Variants in NCAPH observed in about 807,000 individuals in gnomAD.
The protein encoded by NCAPH is non-SMC condensin I complex subunit H.
Under a neutral mutation model 85.5 loss-of-function variants are expected in NCAPH, and 38 were observed. That is an observed-to-expected ratio of 0.44 (90% CI 0.34 to 0.58). NCAPH has a LOEUF of 0.58. NCAPH is among the 20% of genes least tolerant of loss of function. The probability of loss-of-function intolerance (pLI) is 0.01; values close to 1 mark genes in which losing one functional copy is unlikely to be tolerated. For synonymous variants in NCAPH, 301 were observed against 335.1 expected, an observed-to-expected ratio of 0.90 and a Z score of 1.11; for missense variants, 789 against 916.6, an observed-to-expected ratio of 0.86 and a Z score of 1.80.
At position 96,376,368 on chromosome 2, in the gene NCAPH, A is replaced by C. The variant is rs534827270; in HGVS notation, c.*3017A>C. On this transcript the variant is annotated 3_prime_UTR_variant, in exon 18 of 18. Transcript: ENST00000240423. Reference sequence around the variant, plus strand: ...GAATTGTGGGGCCCTGAGAGAGAATACATCCAAAGGAAGAGGGAACCAGGC... The same window carrying C: ...GAATTGTGGGGCCCTGAGAGAGAATCCATCCAAAGGAAGAGGGAACCAGGC... Among the ~76,000 whole-genome samples, 2 of 152,344 alleles carry C rather than the reference A, an allele frequency of 1.3e-5. No individual in the cohort carries two copies. The highest frequency in any genetic ancestry group is 4.8e-5 in the African/African-American group (2 of 41,576).
At chr2:96,337,961 C>T (rs1369796692) in intron 1 of NCAPH, among the ~76,000 whole-genome samples, 4 of 150,956 alleles carry the variant, frequency 2.6e-5, no homozygotes, top group Non-Finnish European at 5.9e-5. Flanking sequence ...GAGTCTTGCT[C>T]TGTCCCCCAG....
Position 96,364,221 on chromosome 2 carries a change from A to G in NCAPH, c.1588-260A>G, listed in dbSNP as rs186317760. 3.1e-4 allele frequency among the ~76,000 whole-genome samples: 47 copies of G among 152,330 alleles called. No homozygotes were observed. In the East Asian group the frequency reaches 7.9e-3, roughly 26 times the overall value. On this transcript the variant is annotated intron_variant, in intron 12 of 17. Transcript: ENST00000240423. Reference sequence around the variant, plus strand: ...AACCCTTTTTCAGGTAAAACTGTGCAGAAGGCCTAATTGCCAGTCACACAG... The same window carrying G: ...AACCCTTTTTCAGGTAAAACTGTGCGGAAGGCCTAATTGCCAGTCACACAG...
intron 11 of NCAPH, 144 bp from the exon 12 acceptor site, chr2:96,360,444 T>C: frequency 4.8e-6 from 5 of 1,031,832 alleles, no homozygotes; most frequent in Non-Finnish European, 7.1e-6. Context: ...AGAATAATGC[T>C]AGCAAAATCA....
Position 96,366,002 on chromosome 2 carries a change from C to G in NCAPH, c.1825C>G (p.Gln609Glu). ...AQQNGDTPEA[Q>E]GLDITTYGES... Reference sequence around the variant, plus strand: ...ACAGAATGGTGACACTCCAGAAGCCCAAGGATTAGACATCACAACATATGG... The same window carrying G: ...ACAGAATGGTGACACTCCAGAAGCCGAAGGATTAGACATCACAACATATGG... Residue 609 changes from glutamine (Q) to glutamate (E), a missense_variant, in exon 14 of 18, where the codon CAA becomes GAA. Transcript: ENST00000240423. The G allele has an allele frequency of 6.2e-7, 1 of 1,614,162 alleles. No individual in the cohort carries two copies. The highest frequency in any genetic ancestry group is 2.2e-5 in the East Asian group (1 of 44,884).
intron 3 of NCAPH, 99 bp downstream of exon 3, chr2:96,342,239 A>ATCATC: frequency 8.8e-7 from 1 of 1,131,294 alleles, no homozygotes; most frequent in Non-Finnish European, 1.3e-6. Flanking sequence ...CAATGATGAT[A>ATCATC]ATTCTCTGGT....
intron 15 of NCAPH, 64 bp downstream of exon 15, chr2:96,367,437 A>G: frequency 1.7e-6 from 2 of 1,190,824 alleles, no homozygotes; most frequent in Non-Finnish European, 2.5e-6. Context: ...TGATGTCTAC[A>G]GCTGAAGACA....
chr2:96,341,437 A>G, intron 1 of NCAPH: 1 of 590,032 alleles, frequency 1.7e-6, no homozygotes. Context: ...TCCCAGATTA[A>G]CAAAGAAGCA....
rs770514514 is a variant in NCAPH at position 96,344,204 on chromosome 2, T to C, written c.695T>C (p.Val232Ala). 2.5e-6 allele frequency: 4 copies of C among 1,611,590 alleles called. No homozygotes were observed. The highest frequency in any genetic ancestry group is 1.7e-5 in the Admixed American group (1 of 59,146). ...TIEQNINNLN[V>A]SEADRKCEID... ...GAGCAGAACATAAACAACCTCAATGTCTCCGAAGCAGATCGGAAGTGTGAG... is the reference window on the plus strand; with the variant it reads ...GAGCAGAACATAAACAACCTCAATGCCTCCGAAGCAGATCGGAAGTGTGAG... The change falls in exon 6 of 18, where the codon GTC becomes GCC. Residue 232 changes from valine (V) to alanine (A), a missense_variant. By Grantham distance (64) the Val-to-Ala change is moderately conservative. Transcript: ENST00000240423.
intron 9 of NCAPH, among the ~76,000 whole-genome samples, chr2:96,356,583 C>T (rs926045331): frequency 7.2e-5 from 11 of 152,106 alleles, no homozygotes; most frequent in Admixed American, 6.5e-5. Flanking sequence ...GAAACAGGCT[C>T]AGAGAGTTTA....
chr2:96,350,605 G>T (rs536762704), intron 6 of NCAPH, among the ~76,000 whole-genome samples: 1 of 152,172 alleles, frequency 6.6e-6, no homozygotes, highest in Non-Finnish European at 1.5e-5. Context: ...CGACTTGGAC[G>T]TGTGGCTGCC....
intron 6 of NCAPH, 118 bp from the exon 7 acceptor site, chr2:96,351,713 T>G (rs964245987): frequency 8.8e-6 from 6 of 679,716 alleles, no homozygotes; most frequent in Non-Finnish European, 1.3e-5. Flanking sequence ...TGACCATGAG[T>G]GGAGATATTT....
chr2:96,340,383 C>CTTTTTTTTTTT (rs908160989), intron 1 of NCAPH, among the ~76,000 whole-genome samples: 1 of 91,240 alleles, frequency 1.1e-5, no homozygotes, highest in African/African-American at 4.2e-5. Context: ...TAATAAGCAT[C>CTTTTTTTTTTT]TTTTTTTTTT....
At position 96,376,669 on chromosome 2, in the gene NCAPH, G is replaced by A. The variant is rs1156426226; in HGVS notation, c.*3318G>A. On this transcript the variant is annotated 3_prime_UTR_variant, in exon 18 of 18. Coordinates refer to ENST00000240423, the MANE Select transcript of NCAPH (RefSeq NM_015341.5). ...AAGGATTTGCAGCATCTGCGGCAAC[G>A]AGTTTGGTGTCCTGGAGCAAGGAAA... Among the ~76,000 whole-genome samples, 1 of 152,212 alleles carries A rather than the reference G, an allele frequency of 6.6e-6. No homozygotes were observed. Among genetic ancestry groups the A allele is most frequent in the Non-Finnish European group, 1.5e-5 (1 of 68,040 alleles).
intron 15 of NCAPH, 110 bp downstream of exon 15, chr2:96,367,483 T>G (rs1277089203): frequency 1.4e-6 from 1 of 735,456 alleles, no homozygotes; most frequent in East Asian, 2.7e-5. Flanking sequence ...ACAGAAATGT[T>G]CGTTCAAAAA....
At chr2:96,348,182 G>A (rs1366223186) in intron 6 of NCAPH, among the ~76,000 whole-genome samples, 1 of 151,294 alleles carries the variant, frequency 6.6e-6, no homozygotes, top group Non-Finnish European at 1.5e-5. Flanking sequence ...TTATGCCAAG[G>A]TCTCTCTCTT....
At chr2:96,372,075 G>A (rs1340403137) in intron 17 of NCAPH, among the ~76,000 whole-genome samples, 2 of 152,242 alleles carry the variant, frequency 1.3e-5, no homozygotes, top group South Asian at 2.1e-4. Context: ...GGAAAGGTGC[G>A]AGTGACTGTT....
chr2:96,359,640 T>G (rs1470365366), intron 10 of NCAPH, among the ~76,000 whole-genome samples: 2 of 152,238 alleles, frequency 1.3e-5, no homozygotes, highest in Admixed American at 6.5e-5. Flanking sequence ...TTTGTTTTGC[T>G]TTTGAGACAG....
chr2:96,340,470 A>G (rs1289552809), intron 1 of NCAPH, among the ~76,000 whole-genome samples: 1 of 144,668 alleles, frequency 6.9e-6, no homozygotes, highest in African/African-American at 2.6e-5. Context: ...GGCTCAGTGC[A>G]ACCTCTGTCT....
intron 12 of NCAPH, among the ~76,000 whole-genome samples, chr2:96,361,826 A>G (rs867096505): frequency 8.4e-6 from 1 of 118,694 alleles, no homozygotes; most frequent in Admixed American, 8.9e-5. Flanking sequence ...ATATATATAT[A>G]TATTTTTTTT....
Sources: allele counts gnomAD v4.1 joint callset (sites outside exome capture counted in the v4.1 genomes callset), GRCh38; gene constraint gnomAD v4.1.1; transcripts MANE v1.5; gene names NCBI Gene and HGNC (gene_info 2026-07-23, HGNC 2026-07-21).